The following GABRB3 variants were observed in gnomAD, a reference collection of about 807,000 sequenced individuals.
The protein encoded by GABRB3 is gamma-aminobutyric acid type A receptor subunit beta3.
GABRB3 carries 14 observed loss-of-function variants against 52.1 expected under a neutral mutation model. The ratio of observed to expected loss-of-function variants is 0.27; its 90% CI spans 0.18 to 0.42. The LOEUF (loss-of-function observed/expected upper bound fraction) is 0.42, where lower values mean the gene tolerates loss of function less well. Among genes scored for constraint, GABRB3 ranks in the 10% least tolerant of loss-of-function variants. The probability of loss-of-function intolerance (pLI) is 1.00; values close to 1 mark genes in which losing one functional copy is unlikely to be tolerated. For missense variants in GABRB3, 307 were observed against 609.1 expected (o/e 0.50, Z 5.22); for synonymous variants, 260 against 232.3 (o/e 1.12, Z -1.08).
chr15:26,738,611 G>A (rs959880985), intron 3 of GABRB3, among the ~76,000 whole-genome samples: 4 of 152,026 alleles, frequency 2.6e-5, no homozygotes, highest in South Asian at 2.1e-4. Context: ...TGACTCTCAC[G>A]GCGCCCTTGC....
intron 4 of GABRB3, among the ~76,000 whole-genome samples, chr15:26,601,331 AC>A (rs1321358788): frequency 2.0e-5 from 3 of 151,576 alleles, no homozygotes; most frequent in Non-Finnish European, 4.4e-5. Context: ...AATTGCTTGA[AC>A]CCGGGAGGCA....
intron 4 of GABRB3, among the ~76,000 whole-genome samples, chr15:26,619,917 C>CACACACCACACACAAAGT (rs57534048): frequency 6.6e-6 from 1 of 151,558 alleles, no homozygotes; most frequent in South Asian, 2.1e-4. Context: ...ACAAACCCAA[C>CACACACCACACACAAAGT]ACACACCACA....
At chr15:26,704,683 C>T (rs533182307) in intron 3 of GABRB3, among the ~76,000 whole-genome samples, 1 of 152,204 alleles carries the variant, frequency 6.6e-6, no homozygotes, top group Non-Finnish European at 1.5e-5. Flanking sequence ...GCTAAATATC[C>T]TAGCCATTGC....
At chr15:26,693,195 A>C (rs759383050) in intron 3 of GABRB3, among the ~76,000 whole-genome samples, 5 of 152,196 alleles carry the variant, frequency 3.3e-5, no homozygotes, top group African/African-American at 4.8e-5. Context: ...CTCTGACAAG[A>C]ATCAGGTGAA....
At chr15:26,659,354 C>A (rs953276244) in intron 3 of GABRB3, among the ~76,000 whole-genome samples, 2 of 152,118 alleles carry the variant, frequency 1.3e-5, no homozygotes, top group Admixed American at 6.6e-5. Flanking sequence ...GAAACTCCAT[C>A]TCTATTAAAA....
chr15:26,681,446 G>A (rs1455726981), intron 3 of GABRB3, among the ~76,000 whole-genome samples: 2 of 152,118 alleles, frequency 1.3e-5, no homozygotes, highest in African/African-American at 2.4e-5. Context: ...TCTGCCTCAC[G>A]TTGTGTCTGT....
At chr15:26,725,037 T>C (rs956650175) in intron 3 of GABRB3, among the ~76,000 whole-genome samples, 11 of 152,184 alleles carry the variant, frequency 7.2e-5, no homozygotes, top group African/African-American at 2.4e-4. Flanking sequence ...TCAAAGGCAA[T>C]TGGTATAGTG....
chr15:26,586,704 A>AAAGAGAG (rs558336153), intron 4 of GABRB3, among the ~76,000 whole-genome samples: 2 of 102,252 alleles, frequency 2.0e-5, no homozygotes, highest in Non-Finnish European at 3.9e-5. Context: ...AAAAAAAAAA[A>AAAGAGAG]AGAGAGAGAG....
At chr15:26,586,425 CGCAT>C (rs368246413) in intron 4 of GABRB3, among the ~76,000 whole-genome samples, 6 of 151,430 alleles carry the variant, frequency 4.0e-5, no homozygotes, top group African/African-American at 9.7e-5. Context: ...CACACACACA[CGCAT>C]ACATACACAT....
chr15:26,588,291 C>T (rs1383038267), intron 4 of GABRB3, among the ~76,000 whole-genome samples: 1 of 152,202 alleles, frequency 6.6e-6, no homozygotes, highest in African/African-American at 2.4e-5. Flanking sequence ...AGGACAACCA[C>T]CAGTCATATC....
intron 3 of GABRB3, among the ~76,000 whole-genome samples, chr15:26,628,398 C>T (rs1892789300): frequency 6.6e-6 from 1 of 152,162 alleles, no homozygotes; most frequent in East Asian, 1.9e-4. Context: ...GCCCATGTGG[C>T]AGAGACAATA....
intron 3 of GABRB3, among the ~76,000 whole-genome samples, chr15:26,695,500 T>A (rs1292003177): frequency 6.7e-6 from 1 of 148,826 alleles, no homozygotes; most frequent in Non-Finnish European, 1.5e-5. Context: ...AGCAAAATTA[T>A]CCCTGCAATG....
chr15:26,580,407 C>T lies in GABRB3; in HGVS notation c.594G>A (p.Lys198=), dbSNP rs1381956789. 3 of 1,614,196 alleles carry T rather than the reference C, an allele frequency of 1.9e-6. No homozygotes were observed. Among genetic ancestry groups the T allele is most frequent in the East Asian group, 2.2e-5 (1 of 44,874 alleles). ...DIEFYWRGGD[K]AVTGVERIEL... Reference sequence around the variant, plus strand: ...CAATCCTTTCCACTCCGGTAACAGCCTTGTCCCCGCCTCGCCAGTAAAACT... The same window carrying T: ...CAATCCTTTCCACTCCGGTAACAGCTTTGTCCCCGCCTCGCCAGTAAAACT... Residue 198 remains lysine, a synonymous_variant, in exon 6 of 9, where the codon AAG becomes AAA. Coordinates refer to ENST00000311550, the MANE Select transcript of GABRB3 (RefSeq NM_000814.6).
chr15:26,759,317 C>T (rs1890748635), intron 3 of GABRB3, among the ~76,000 whole-genome samples: 1 of 152,098 alleles, frequency 6.6e-6, no homozygotes, highest in Admixed American at 6.5e-5. Context: ...TGCAGTGGCG[C>T]AATCTTGGCT....
Position 26,756,384 on chromosome 15 carries a change from ATGG to A in GABRB3, c.240+16015_240+16017del, listed in dbSNP as rs1248485114. Among the ~76,000 whole-genome samples the A allele has an allele frequency of 2.1e-4, 32 of 151,086 alleles. No individual in the cohort carries two copies. In the Admixed American group the frequency reaches 2.1e-3, roughly 10 times the overall value. ...GGAGTTTGAGACCACCCCAGGCAACATGGTGAAACCCCCTCTCTACTAAAAAAA... is the reference window on the plus strand; with the variant it reads ...GGAGTTTGAGACCACCCCAGGCAACATGAAACCCCCTCTCTACTAAAAAAA... On this transcript the variant is annotated intron_variant, in intron 3 of 8. Coordinates refer to ENST00000311550, the MANE Select transcript of GABRB3 (RefSeq NM_000814.6).
intron 3 of GABRB3, among the ~76,000 whole-genome samples, chr15:26,622,662 A>G (rs193266016): frequency 2.0e-5 from 3 of 152,318 alleles, no homozygotes; most frequent in Admixed American, 2.0e-4. Context: ...GCCTCCTGAC[A>G]ACCCCTCCAG....
intron 3 of GABRB3, among the ~76,000 whole-genome samples, chr15:26,657,847 G>A (rs1887421336): frequency 6.6e-6 from 1 of 152,124 alleles, no homozygotes; most frequent in South Asian, 2.1e-4. Flanking sequence ...CTAACTTTGG[G>A]AGGAATTCAG....
intron 4 of GABRB3, among the ~76,000 whole-genome samples, chr15:26,604,419 T>C (rs1891704753): frequency 6.6e-6 from 1 of 152,152 alleles, no homozygotes; most frequent in Non-Finnish European, 1.5e-5. Context: ...AAAACAATCC[T>C]AAAATTTATA....
chr15:26,713,860 A>G (rs1028649118), intron 3 of GABRB3, among the ~76,000 whole-genome samples: 90 of 152,326 alleles, frequency 5.9e-4, no homozygotes, highest in African/African-American at 2.1e-3. Context: ...TCAGGGGAAG[A>G]GACCCAAGAA....
Sources: gnomAD v4.1 joint callset for allele counts (sites outside exome capture counted in the v4.1 genomes callset) on GRCh38, gnomAD v4.1.1 for gene constraint, MANE v1.5 for transcripts, NCBI Gene and HGNC (gene_info 2026-07-23, HGNC 2026-07-21) for gene names.